The following MYZAP variants were observed in gnomAD, a reference collection of about 807,000 sequenced individuals.
The protein encoded by MYZAP is GRINL1A complex locus upstream.
Under a neutral mutation model 69.4 loss-of-function variants are expected in MYZAP, and 66 were observed. The observed-to-expected ratio is 0.95, with a 90% CI of 0.78 to 1.17. MYZAP has a LOEUF of 1.17. MYZAP is among the 50% of genes most tolerant of loss of function. The pLI is 0.00. For missense variants in MYZAP, 611 were observed against 556.2 expected (o/e 1.10, Z -0.99); for synonymous variants, 256 against 205.9 (o/e 1.24, Z -2.09).
At chr15:57,615,386 CG>C (rs1173931922) in intron 2 of MYZAP, among the ~76,000 whole-genome samples, 1 of 152,178 alleles carries the variant, frequency 6.6e-6, no homozygotes, top group Non-Finnish European at 1.5e-5. Context: ...CTGGGCCACT[CG>C]GGAGTGTTCC....
intron 2 of MYZAP, among the ~76,000 whole-genome samples, chr15:57,608,917 C>G (rs1165194342): frequency 6.6e-6 from 1 of 152,202 alleles, no homozygotes; most frequent in Non-Finnish European, 1.5e-5. Flanking sequence ...CTAAGTCTTC[C>G]CTGTCCTTGA....
chr15:57,642,061 C>T (rs1159990455), intron 10 of MYZAP, among the ~76,000 whole-genome samples: 2 of 152,202 alleles, frequency 1.3e-5, no homozygotes, highest in African/African-American at 4.8e-5. Flanking sequence ...GCTCTTCATT[C>T]ACAACAAAGA....
intron 1 of MYZAP, among the ~76,000 whole-genome samples, chr15:57,594,570 C>T (rs2140306809): frequency 6.6e-6 from 1 of 152,086 alleles, no homozygotes; most frequent in East Asian, 1.9e-4. Flanking sequence ...CAACAGTAGC[C>T]AGGATATATG....
At chr15:57,646,889 C>T (rs761662559) in intron 10 of MYZAP, 1 of 985,202 alleles carries the variant, frequency 1.0e-6, no homozygotes, top group Admixed American at 6.2e-5. Context: ...ACTGAAACAT[C>T]CTTCATGTAT....
chr15:57,681,536 C>T (rs1159125418), intron 12 of MYZAP, among the ~76,000 whole-genome samples: 1 of 152,202 alleles, frequency 6.6e-6, no homozygotes, highest in Non-Finnish European at 1.5e-5. Flanking sequence ...GTAATCCCAG[C>T]ACTTTGGGAG....
chr15:57,672,201 C>T (rs1412230502), intron 11 of MYZAP, among the ~76,000 whole-genome samples: 1 of 152,156 alleles, frequency 6.6e-6, no homozygotes, highest in Non-Finnish European at 1.5e-5. Flanking sequence ...TGCCTTCTCC[C>T]CTACTGTTAG....
At chr15:57,616,737 G>A (rs1391959667) in intron 2 of MYZAP, among the ~76,000 whole-genome samples, 1 of 151,320 alleles carries the variant, frequency 6.6e-6, no homozygotes, top group Non-Finnish European at 1.5e-5. Context: ...TTGAACCAGG[G>A]AGGTGGAGGT....
intron 8 of MYZAP, among the ~76,000 whole-genome samples, chr15:57,634,027 T>A (rs553159859): frequency 6.6e-6 from 1 of 152,326 alleles, no homozygotes; most frequent in Non-Finnish European, 1.5e-5. Flanking sequence ...GAACTTAGTT[T>A]ATCCATTGAA....
rs534816637 is a variant in MYZAP at position 57,652,984 on chromosome 15, C to CA, written c.1120-8465dup. Among the ~76,000 whole-genome samples the CA allele has an allele frequency of 3.8e-4, 58 of 152,210 alleles. 1 individual carries two copies. The South Asian group carries it at 0.012, about 32-fold the overall frequency. The stretch of plus-strand genomic sequence containing the variant: ...CGTTTTGATTAGATGCTTTGATTGG[C>CA]AGTTATACATCTTTGATAACATTTT... On this transcript the variant is annotated intron_variant, in intron 10 of 12. Coordinates refer to ENST00000267853, the MANE Select transcript of MYZAP (RefSeq NM_001018100.5).
intron 10 of MYZAP, among the ~76,000 whole-genome samples, chr15:57,649,767 T>C (rs1156842898): frequency 6.6e-6 from 1 of 152,214 alleles, no homozygotes; most frequent in Non-Finnish European, 1.5e-5. Context: ...TCTGTAATAG[T>C]TTTGCAGTTT....
At chr15:57,647,639 G>A (rs1009481645) in intron 10 of MYZAP, 13 of 985,298 alleles carry the variant, frequency 1.3e-5, no homozygotes, top group Non-Finnish European at 1.6e-5. Flanking sequence ...CTGGAGGCCA[G>A]GCAGGCCTTA....
At chr15:57,602,693 A>G (rs139319054) in intron 1 of MYZAP, among the ~76,000 whole-genome samples, 49 of 152,330 alleles carry the variant, frequency 3.2e-4, no homozygotes, top group Non-Finnish European at 6.8e-4. Flanking sequence ...ATAAGAGCTA[A>G]GAAAGTAAGC....
At chr15:57,600,770 G>C (rs2034357664) in intron 1 of MYZAP, among the ~76,000 whole-genome samples, 1 of 152,188 alleles carries the variant, frequency 6.6e-6, no homozygotes. Flanking sequence ...ATAGGATGAT[G>C]ATAATATCTA....
At position 57,621,655 on chromosome 15, in the gene MYZAP, T is replaced by C. The variant is rs551885647; in HGVS notation, c.366T>C (p.Tyr122=). The change falls in exon 4 of 13, where the codon TAT becomes TAC. Residue 122 remains tyrosine (Y), a synonymous_variant. Transcript: ENST00000267853. ...EKVRKRMYGD[Y]DEMRQKIRQL... ...TGAGAAAGCGAATGTATGGAGACTA[T>C]GATGAGATGAGACAGAAGATTCGAC... is the stretch of plus-strand genomic sequence containing the variant. 3.4e-5 allele frequency: 55 copies of C among 1,613,930 alleles called. No individual in the cohort carries two copies. In the Admixed American group the frequency reaches 7.7e-4, roughly 23 times the overall value.
intron 1 of MYZAP, among the ~76,000 whole-genome samples, chr15:57,598,320 G>C (rs2034193890): frequency 6.6e-6 from 1 of 152,144 alleles, no homozygotes; most frequent in African/African-American, 2.4e-5. Context: ...AATGCTACCT[G>C]TCCCTCCCTT....
At chr15:57,671,451 C>T (rs2038862995) in intron 11 of MYZAP, among the ~76,000 whole-genome samples, 1 of 151,992 alleles carries the variant, frequency 6.6e-6, no homozygotes, top group African/African-American at 2.4e-5. Flanking sequence ...GAGTTTTCAG[C>T]TATTATGTTT....
chr15:57,635,018 G>A (rs574199450), intron 8 of MYZAP, among the ~76,000 whole-genome samples: 35 of 152,268 alleles, frequency 2.3e-4, no homozygotes, highest in African/African-American at 4.6e-4. Context: ...TTTCTGCAGC[G>A]TAAAGAAGCA....
chr15:57,616,206 G>A (rs2035428799), intron 2 of MYZAP, among the ~76,000 whole-genome samples: 2 of 152,184 alleles, frequency 1.3e-5, no homozygotes, highest in Non-Finnish European at 2.9e-5. Context: ...GCAAATTAAA[G>A]TTTTGTGTGT....
intron 1 of MYZAP, among the ~76,000 whole-genome samples, chr15:57,603,076 A>G (rs1424116413): frequency 6.6e-6 from 1 of 152,154 alleles, no homozygotes; most frequent in Non-Finnish European, 1.5e-5. Flanking sequence ...AAATGGTGCA[A>G]TTTAGACTTT....
Sources: allele counts gnomAD v4.1 joint callset (sites outside exome capture counted in the v4.1 genomes callset), GRCh38; gene constraint gnomAD v4.1.1; transcripts MANE v1.5; gene names NCBI Gene and HGNC (gene_info 2026-07-23, HGNC 2026-07-21).